CCDC66: variants seen among roughly 807,000 people sequenced by gnomAD.
CCDC66 encodes coiled-coil domain containing 66, also known as coiled-coil domain-containing protein 66.
A neutral mutation model predicts 128.3 loss-of-function variants in CCDC66; 133 were observed. The ratio of observed to expected loss-of-function variants is 1.04; its 90% CI spans 0.90 to 1.20. The LOEUF (loss-of-function observed/expected upper bound fraction) is 1.20, where lower values mean the gene tolerates loss of function less well. Among genes scored for constraint, CCDC66 ranks in the 50% most tolerant of loss-of-function variants. The probability of loss-of-function intolerance (pLI) is 0.00; values close to 1 mark genes in which losing one functional copy is unlikely to be tolerated. For synonymous variants in CCDC66, 387 were observed against 357.0 expected, an observed-to-expected ratio of 1.08 and a Z score of -0.95; for missense variants, 1,126 against 1,075.5, an observed-to-expected ratio of 1.05 and a Z score of -0.66.
Position 56,613,746 on chromosome 3 carries a change from A to G in CCDC66, c.1562A>G (p.Lys521Arg), listed in dbSNP as rs2075147945. The G allele has an allele frequency of 6.2e-7, 1 of 1,605,378 alleles. No individual in the cohort carries two copies. The highest frequency in any genetic ancestry group is 8.5e-7 in the Non-Finnish European group (1 of 1,176,696). Residue 521 changes from lysine to arginine, a missense_variant, in exon 11 of 18, where the codon AAG becomes AGG. Coordinates refer to ENST00000394672, the MANE Select transcript of CCDC66 (RefSeq NM_001141947.3). Reference sequence around the variant, plus strand: ...GAAGACATACTTAAGCAAAAACAAAAGGAAGTAGGTACTTACATTCTAATT... The same window carrying G: ...GAAGACATACTTAAGCAAAAACAAAGGGAAGTAGGTACTTACATTCTAATT... ...YEEDILKQKQKEEIMTLKTNE... is the reference protein window; with the variant it reads ...YEEDILKQKQREEIMTLKTNE...
At chr3:56,581,419 A>G (rs934609096) in intron 7 of CCDC66, among the ~76,000 whole-genome samples, 16 of 151,964 alleles carry the variant, frequency 1.1e-4, no homozygotes, top group African/African-American at 3.9e-4. Flanking sequence ...TCAACTCATC[A>G]AAGTCATTCT....
intron 10 of CCDC66, among the ~76,000 whole-genome samples, chr3:56,596,450 G>A (rs1024331982): frequency 2.8e-5 from 4 of 144,958 alleles, no homozygotes; most frequent in Non-Finnish European, 6.2e-5. Context: ...AGGCATTCTG[G>A]ATAGTAGCCC....
In CCDC66 at chr3:56,583,900, G is replaced by A. The variant is rs572477541; in HGVS notation, c.937-9070G>A. Among the ~76,000 whole-genome samples, 127 of 120,836 alleles carry A rather than the reference G, an allele frequency of 1.1e-3. 3 individuals are homozygous for A. The highest frequency in any genetic ancestry group is 3.2e-3 in the African/African-American group (94 of 29,490). 79.3% of individuals were successfully genotyped at this position (120,836 alleles called of 152,430 possible). A position where few individuals can be genotyped will look rare whatever the true frequency, so the allele number is the denominator to read the frequency against. On this transcript the variant is annotated intron_variant, in intron 7 of 17. Transcript: ENST00000394672. ...CGGGCAGAGGCGCCCCCCACCTCCC[G>A]GATGGGGCGGCGGCTGGGCGGGGGC...
At chr3:56,594,937 C>T (rs2071600765) in intron 10 of CCDC66, among the ~76,000 whole-genome samples, 1 of 152,122 alleles carries the variant, frequency 6.6e-6, no homozygotes, top group Admixed American at 6.5e-5. Flanking sequence ...AATACCATTT[C>T]CTCCAGTAGC....
chr3:56,581,215 G>A (rs1013044303), intron 7 of CCDC66, among the ~76,000 whole-genome samples: 8 of 151,812 alleles, frequency 5.3e-5, no homozygotes, highest in African/African-American at 1.9e-4. Context: ...TGAAGCTTGT[G>A]CATTTGTCAT....
Position 56,619,281 on chromosome 3 carries a change from T to C in CCDC66, c.2389T>C (p.Ser797Pro), listed in dbSNP as rs528897817. ...HSFSKERSPSSPVPVVKNRTQ... is the reference protein window; with the variant it reads ...HSFSKERSPSPPVPVVKNRTQ... ...TTTTTTTTTAAATAGGTCTCCATCA[T>C]CACCAGTTCCAGTAGTGAAAAACAG... Residue 797 changes from serine to proline, a missense_variant, in exon 16 of 18, where the codon TCA becomes CCA. Ser to Pro is a moderately conservative substitution (Grantham distance 74). Coordinates refer to ENST00000394672, the MANE Select transcript of CCDC66 (RefSeq NM_001141947.3). 2.9e-5 allele frequency: 47 copies of C among 1,594,086 alleles called. No homozygotes were observed. In the East Asian group the frequency reaches 3.8e-4, roughly 13 times the overall value.
chr3:56,615,734 C>A (rs113644977), intron 12 of CCDC66, 188 bp from the exon 13 acceptor site: 2 of 382,394 alleles, frequency 5.2e-6, no homozygotes, highest in South Asian at 4.7e-5. Context: ...CTATTTTTAC[C>A]GAGAACAATT....
intron 3 of CCDC66, among the ~76,000 whole-genome samples, chr3:56,562,610 T>G (rs2107733390): frequency 6.6e-6 from 1 of 152,278 alleles, no homozygotes; most frequent in East Asian, 1.9e-4. Context: ...TTTGTAATAT[T>G]AGTGCTAGGT....
intron 7 of CCDC66, among the ~76,000 whole-genome samples, chr3:56,579,736 T>C (rs1446892179): frequency 6.6e-6 from 1 of 151,916 alleles, no homozygotes; most frequent in East Asian, 2.0e-4. Flanking sequence ...AATTTCTTAA[T>C]CCTGAGTTCT....
intron 3 of CCDC66, among the ~76,000 whole-genome samples, chr3:56,561,615 T>C (rs1352528816): frequency 6.6e-6 from 1 of 152,250 alleles, no homozygotes; most frequent in Non-Finnish European, 1.5e-5. Context: ...TCTGTATTGA[T>C]TGTTTTCAAG....
In CCDC66 at chr3:56,615,277, G is replaced by A. The variant is rs201708195; in HGVS notation, c.1711+5G>A. 60 of 1,597,734 alleles carry A rather than the reference G, an allele frequency of 3.8e-5. No homozygotes were observed. The African/African-American group carries it at 6.5e-4, about 17-fold the overall frequency. On this transcript the variant is annotated splice_donor_5th_base_variant and intron_variant, in intron 12 of 17. Transcript: ENST00000394672. ...GACTGATTAAAAATCTTGGTGGTAAGGGCCTAACCAGAACTTTATTTATAA... is the reference window on the plus strand; with the variant it reads ...GACTGATTAAAAATCTTGGTGGTAAAGGCCTAACCAGAACTTTATTTATAA...
intron 15 of CCDC66, chr3:56,618,795 A>C (rs2075906154): frequency 6.2e-6 from 1 of 161,436 alleles, no homozygotes; most frequent in Admixed American, 6.1e-5. Flanking sequence ...GTGCTACAGT[A>C]CACATACCAT....
chr3:56,617,769 A>C (rs1359516397), intron 14 of CCDC66, 164 bp downstream of exon 14: 7 of 762,110 alleles, frequency 9.2e-6, no homozygotes, highest in Non-Finnish European at 1.4e-5. Flanking sequence ...GTTTTTGGAA[A>C]GTTTTATACG....
intron 17 of CCDC66, chr3:56,620,723 T>A (rs1241305603): frequency 6.6e-6 from 1 of 152,222 alleles, no homozygotes; most frequent in Non-Finnish European, 1.5e-5. Flanking sequence ...TACTTCTTGC[T>A]TAGTGGAGAC....
chr3:56,596,999 A>G (rs976036796), intron 10 of CCDC66, among the ~76,000 whole-genome samples: 4 of 149,540 alleles, frequency 2.7e-5, no homozygotes, highest in African/African-American at 7.4e-5. Flanking sequence ...ACCTTAAATG[A>G]TCCACCTGCC....
At chr3:56,579,518 A>G (rs1300971004) in intron 7 of CCDC66, among the ~76,000 whole-genome samples, 1 of 151,716 alleles carries the variant, frequency 6.6e-6, no homozygotes, top group African/African-American at 2.4e-5. Context: ...TCAATTTTAG[A>G]TCTTTCCTGC....
intron 5 of CCDC66, 21 bp downstream of exon 5, chr3:56,566,780 G>T: frequency 6.3e-7 from 1 of 1,596,632 alleles, no homozygotes; most frequent in Non-Finnish European, 8.5e-7. Flanking sequence ...CCTATCTGTT[G>T]TTATTGTGTG....
chr3:56,611,343 A>T (rs1485136587), intron 10 of CCDC66, among the ~76,000 whole-genome samples: 1 of 151,888 alleles, frequency 6.6e-6, no homozygotes, highest in African/African-American at 2.4e-5. Flanking sequence ...GTTGTCAGGG[A>T]AGTGGGGGAA....
chr3:56,573,698 T>C (rs2066941492), intron 7 of CCDC66, among the ~76,000 whole-genome samples: 1 of 151,986 alleles, frequency 6.6e-6, no homozygotes, highest in Admixed American at 6.6e-5. Flanking sequence ...TGACATCTTC[T>C]GAAGGGCTGG....
Sources: gnomAD v4.1 joint callset for allele counts (sites outside exome capture counted in the v4.1 genomes callset) on GRCh38, gnomAD v4.1.1 for gene constraint, MANE v1.5 for transcripts, NCBI Gene and HGNC (gene_info 2026-07-23, HGNC 2026-07-21) for gene names.